OTOP1: variants seen among roughly 807,000 people sequenced by gnomAD.
OTOP1 encodes otopetrin 1.
Under a neutral mutation model 52.9 loss-of-function variants are expected in OTOP1, and 59 were observed. The ratio of observed to expected loss-of-function variants is 1.12; its 90% CI spans 0.91 to 1.39. The LOEUF (loss-of-function observed/expected upper bound fraction) is 1.39, where lower values mean the gene tolerates loss of function less well. OTOP1 is among the 40% of genes most tolerant of loss of function. The pLI is 0.00. For missense variants in OTOP1, 761 were observed against 800.9 expected (o/e 0.95, Z 0.60); for synonymous variants, 317 against 337.7 (o/e 0.94, Z 0.67).
intron 2 of OTOP1, among the ~76,000 whole-genome samples, chr4:4,207,270 T>C (rs1716925445): frequency 6.6e-6 from 1 of 152,206 alleles, no homozygotes; most frequent in African/African-American, 2.4e-5. Flanking sequence ...AAATTAGCAA[T>C]TATCAGTGAT....
chr4:4,216,968 G>T (rs924461638), intron 1 of OTOP1, among the ~76,000 whole-genome samples: 1 of 152,210 alleles, frequency 6.6e-6, no homozygotes, highest in Non-Finnish European at 1.5e-5. Flanking sequence ...GATTCAGCAG[G>T]TGTGGACGGG....
At chr4:4,209,035 T>G (rs1178754680) in intron 2 of OTOP1, among the ~76,000 whole-genome samples, 1 of 152,210 alleles carries the variant, frequency 6.6e-6, no homozygotes, top group Non-Finnish European at 1.5e-5. Flanking sequence ...GCTGGGCAAG[T>G]GTACTTCCAA....
At chr4:4,204,268 T>G (rs553961191) in intron 3 of OTOP1, among the ~76,000 whole-genome samples, 70 of 152,254 alleles carry the variant, frequency 4.6e-4, no homozygotes, top group Middle Eastern at 6.8e-3. Context: ...TGCCCATCTG[T>G]TTGCCCCTTG....
At chr4:4,191,663 C>T (rs1716510133) in intron 5 of OTOP1, among the ~76,000 whole-genome samples, 1 of 152,176 alleles carries the variant, frequency 6.6e-6, no homozygotes, top group South Asian at 2.1e-4. Context: ...CTAAGCTGGT[C>T]CCTCTGATCT....
chr4:4,203,622 A>G (rs1470248576), intron 3 of OTOP1, among the ~76,000 whole-genome samples: 2 of 152,220 alleles, frequency 1.3e-5, no homozygotes, highest in South Asian at 2.1e-4. Context: ...AGGGTCACTG[A>G]TTTCTTCAAA....
At chr4:4,201,369 G>C (rs916488759) in intron 4 of OTOP1, among the ~76,000 whole-genome samples, 9 of 152,044 alleles carry the variant, frequency 5.9e-5, no homozygotes, top group African/African-American at 2.2e-4. Context: ...AGAGGTTGCA[G>C]TGAGCCGAGG....
intron 1 of OTOP1, among the ~76,000 whole-genome samples, chr4:4,223,454 G>GGA (rs1267556814): frequency 3.4e-5 from 5 of 148,280 alleles, no homozygotes; most frequent in African/African-American, 1.3e-4. Flanking sequence ...TGATGAATAA[G>GGA]TGAATGATGA....
chr4:4,194,445 C>T (rs917226996), intron 5 of OTOP1, among the ~76,000 whole-genome samples: 1 of 152,244 alleles, frequency 6.6e-6, no homozygotes, highest in Non-Finnish European at 1.5e-5. Flanking sequence ...TGCCTGCAGC[C>T]AAACTCTTCT....
chr4:4,190,856 T>A (rs1415368250), intron 5 of OTOP1, among the ~76,000 whole-genome samples: 1 of 152,154 alleles, frequency 6.6e-6, no homozygotes, highest in African/African-American at 2.4e-5. Flanking sequence ...GCTGTGCCTC[T>A]TAATGTTGGC....
At chr4:4,215,193 A>G (rs1325582646) in intron 1 of OTOP1, among the ~76,000 whole-genome samples, 1 of 152,252 alleles carries the variant, frequency 6.6e-6, no homozygotes, top group South Asian at 2.1e-4. Flanking sequence ...TGTCCTGTTC[A>G]TCATTGTACT....
chr4:4,218,385 C>T (rs559841646), intron 1 of OTOP1, among the ~76,000 whole-genome samples: 1 of 97,916 alleles, frequency 1.0e-5, no homozygotes, highest in African/African-American at 4.4e-5. Context: ...GAGCGAGACT[C>T]CAACTCAAAA....
chr4:4,207,782 A>G (rs1300713709), intron 2 of OTOP1, among the ~76,000 whole-genome samples: 4 of 152,160 alleles, frequency 2.6e-5, no homozygotes, highest in Non-Finnish European at 5.9e-5. Flanking sequence ...GGTCTCAATC[A>G]ATTTAGAAGT....
chr4:4,224,819 G>C (rs2108808143), intron 1 of OTOP1, among the ~76,000 whole-genome samples: 1 of 149,844 alleles, frequency 6.7e-6, no homozygotes, highest in South Asian at 2.1e-4. Context: ...AGGACCAAAA[G>C]AGCTTTACAG....
At chr4:4,203,490 C>T (rs1716834021) in intron 3 of OTOP1, among the ~76,000 whole-genome samples, 1 of 152,202 alleles carries the variant, frequency 6.6e-6, no homozygotes, top group Non-Finnish European at 1.5e-5. Flanking sequence ...ACTCCAGAGC[C>T]CTGCCCTTGG....
intron 4 of OTOP1, among the ~76,000 whole-genome samples, chr4:4,200,473 T>TAAA (rs140931122): frequency 1.7e-4 from 24 of 139,858 alleles, no homozygotes; most frequent in African/African-American, 6.0e-4. Flanking sequence ...AGACTCCGTC[T>TAAA]AAAAAAAAAA....
intron 4 of OTOP1, among the ~76,000 whole-genome samples, chr4:4,198,939 C>T (rs1189055935): frequency 6.6e-6 from 1 of 152,138 alleles, no homozygotes; most frequent in Non-Finnish European, 1.5e-5. Context: ...CCCTGTAATC[C>T]CAGCACTTTG....
In OTOP1 at chr4:4,188,766, CTT is replaced by C. The variant is rs1458939491; in HGVS notation, c.*35_*36del. On this transcript the variant is annotated 3_prime_UTR_variant, in exon 6 of 6. Transcript: ENST00000296358. ...CACTCCTAGTTGGCTCCAATGAACTCTTGTTAGCTCACTCCTAGGTCTCTTGT... is the reference window on the plus strand; with the variant it reads ...CACTCCTAGTTGGCTCCAATGAACTCGTTAGCTCACTCCTAGGTCTCTTGT... 2 of 1,556,974 alleles carry C rather than the reference CTT, an allele frequency of 1.3e-6. No homozygotes were observed. The highest frequency in any genetic ancestry group is 2.5e-5 in the South Asian group (2 of 80,472).
chr4:4,203,959 C>T (rs1386343729), intron 3 of OTOP1, among the ~76,000 whole-genome samples: 3 of 152,124 alleles, frequency 2.0e-5, no homozygotes, highest in Non-Finnish European at 4.4e-5. Context: ...CAACTCAATA[C>T]CTATAGGACA....
Position 4,226,543 on chromosome 4 carries a change from G to A in OTOP1, c.322C>T (p.Leu108=), listed in dbSNP as rs754754115. The change falls in exon 1 of 6, where the codon CTG becomes TTG. Residue 108 remains leucine (L), a synonymous_variant. Transcript: ENST00000296358. Reference sequence around the variant, plus strand: ...GCGGAGCTGCGGCCCACGTACCACAGCATCCACAGCAGCTGCAGCAGCATG... The same window carrying A: ...GCGGAGCTGCGGCCCACGTACCACAACATCCACAGCAGCTGCAGCAGCATG... The part of the protein sequence containing the change: ...ALMLLQLLWM[L]WYVGRSSAHR... 23 of 1,602,958 alleles carry A rather than the reference G, an allele frequency of 1.4e-5. No individual in the cohort carries two copies. The highest frequency in any genetic ancestry group is 1.8e-5 in the Non-Finnish European group (21 of 1,178,334).
Sources: allele counts gnomAD v4.1 joint callset (sites outside exome capture counted in the v4.1 genomes callset), GRCh38; gene constraint gnomAD v4.1.1; transcripts MANE v1.5; gene names NCBI Gene and HGNC (gene_info 2026-07-23, HGNC 2026-07-21).